PDE4B: variants seen among roughly 807,000 people sequenced by gnomAD.
PDE4B encodes phosphodiesterase 4B, also known as 3',5'-cyclic-AMP phosphodiesterase 4B.
Under a neutral mutation model 82.2 loss-of-function variants are expected in PDE4B, and 20 were observed. The observed-to-expected ratio is 0.24, with a 90% CI of 0.17 to 0.35. The LOEUF (loss-of-function observed/expected upper bound fraction) is 0.35. Among genes scored for constraint, PDE4B ranks in the 10% least tolerant of loss-of-function variants. PDE4B has a pLI of 1.00. For missense variants in PDE4B, 655 were observed against 907.2 expected, an observed-to-expected ratio of 0.72 and a Z score of 3.57; for synonymous variants, 320 against 318.9, an observed-to-expected ratio of 1.00 and a Z score of -0.04.
At chr1:65,891,295 A>G (rs1030525018) in intron 1 of PDE4B, among the ~76,000 whole-genome samples, 2 of 152,106 alleles carry the variant, frequency 1.3e-5, no homozygotes, top group African/African-American at 4.8e-5. Context: ...TTGTCTAATG[A>G]CAGGCATCTG....
intron 16 of PDE4B, among the ~76,000 whole-genome samples, chr1:66,369,218 GTTGTCTCTGATGT>G (rs1458560233): frequency 6.6e-6 from 1 of 152,176 alleles, no homozygotes; most frequent in East Asian, 1.9e-4. Context: ...CATTTAGATA[GTTGTCTCTGATGT>G]TAGCAAATCC....
At chr1:66,141,841 G>A (rs188882785) in intron 3 of PDE4B, among the ~76,000 whole-genome samples, 42 of 152,214 alleles carry the variant, frequency 2.8e-4, no homozygotes, top group Non-Finnish European at 4.4e-5. Context: ...GAGGTATCAT[G>A]AAAACAGCAA....
chr1:65,866,927 GTGTT>G (rs1190555715), intron 1 of PDE4B, among the ~76,000 whole-genome samples: 3 of 152,182 alleles, frequency 2.0e-5, no homozygotes, highest in Non-Finnish European at 2.9e-5. Flanking sequence ...ATATAACTGA[GTGTT>G]TGCTTTATTA....
chr1:65,800,737 A>G (rs1446599535), intron 1 of PDE4B, among the ~76,000 whole-genome samples: 1 of 152,238 alleles, frequency 6.6e-6, no homozygotes, highest in African/African-American at 2.4e-5. Context: ...ATTTGAAAGT[A>G]GTATAATATC....
At chr1:66,127,873 G>A (rs1023490170) in intron 3 of PDE4B, among the ~76,000 whole-genome samples, 2 of 152,116 alleles carry the variant, frequency 1.3e-5, no homozygotes, top group East Asian at 3.9e-4. Context: ...GTCTTTCTCA[G>A]TTTCTTCTTT....
At chr1:66,108,477 A>G (rs1346488871) in intron 3 of PDE4B, among the ~76,000 whole-genome samples, 1 of 152,130 alleles carries the variant, frequency 6.6e-6, no homozygotes, top group Non-Finnish European at 1.5e-5. Context: ...GCTTCTGCAC[A>G]GCAAAGGAAA....
intron 3 of PDE4B, among the ~76,000 whole-genome samples, chr1:66,079,730 A>G (rs1022649819): frequency 6.6e-5 from 10 of 152,170 alleles, no homozygotes; most frequent in African/African-American, 2.4e-4. Context: ...AATATTTTGT[A>G]TAATGCAACA....
At chr1:66,038,555 GA>G (rs35465487) in intron 3 of PDE4B, among the ~76,000 whole-genome samples, 12,468 of 151,914 alleles carry the variant, frequency 0.082, 961 homozygotes, top group East Asian at 0.26. Context: ...ACATATGGAG[GA>G]AAAAAAGATA....
chr1:66,140,376 T>A (rs1460200248), intron 3 of PDE4B, among the ~76,000 whole-genome samples: 1 of 152,146 alleles, frequency 6.6e-6, no homozygotes, highest in Non-Finnish European at 1.5e-5. Context: ...TCAACGCAAC[T>A]TTTACAACTA....
intron 3 of PDE4B, among the ~76,000 whole-genome samples, chr1:66,231,298 A>G (rs1407569658): frequency 6.6e-6 from 1 of 152,250 alleles, no homozygotes; most frequent in East Asian, 1.9e-4. Flanking sequence ...ACAGTAATCC[A>G]TCTGTGAGTC....
Position 66,297,204 on chromosome 1 carries a change from G to A in PDE4B, c.634+31117G>A, listed in dbSNP as rs544400546. 4.6e-5 allele frequency among the ~76,000 whole-genome samples: 7 copies of A among 152,048 alleles called. No individual in the cohort carries two copies. In the South Asian group the frequency reaches 6.3e-4, roughly 14 times the overall value. ...TTGGAACTGTTTCACTTGCTTCCTCGACAGATATCTTGTGTAAGGTCCATA... is the reference window on the plus strand; with the variant it reads ...TTGGAACTGTTTCACTTGCTTCCTCAACAGATATCTTGTGTAAGGTCCATA... On this transcript the variant is annotated intron_variant, in intron 7 of 16. Transcript: ENST00000341517.
At chr1:66,018,499 T>C (rs745537166) in intron 3 of PDE4B, among the ~76,000 whole-genome samples, 2 of 152,146 alleles carry the variant, frequency 1.3e-5, no homozygotes, top group Non-Finnish European at 2.9e-5. Context: ...CTTGAATAAA[T>C]TTTAAGATTA....
At chr1:66,283,926 T>C (rs1233133621) in intron 7 of PDE4B, among the ~76,000 whole-genome samples, 1 of 152,268 alleles carries the variant, frequency 6.6e-6, no homozygotes, top group Non-Finnish European at 1.5e-5. Context: ...CACTTTCTCA[T>C]TGACTCATTC....
chr1:66,266,145 CTT>C, intron 7 of PDE4B, 58 bp downstream of exon 7: 2 of 1,272,734 alleles, frequency 1.6e-6, no homozygotes, highest in Non-Finnish European at 2.3e-6. Context: ...AAACATGCCT[CTT>C]ATTCAGAACT....
intron 3 of PDE4B, among the ~76,000 whole-genome samples, chr1:66,081,822 CTCTCTCTCTCTGTGTGTG>C (rs1487953717): frequency 2.3e-5 from 3 of 128,166 alleles, no homozygotes; most frequent in East Asian, 4.3e-4. Flanking sequence ...CTCTCTCTCT[CTCTCTCTCTCTGTGTGTG>C]TGTGTGTGTG....
chr1:66,344,982 T>C (rs1305925476), intron 8 of PDE4B, among the ~76,000 whole-genome samples: 2 of 152,214 alleles, frequency 1.3e-5, no homozygotes, highest in Non-Finnish European at 2.9e-5. Flanking sequence ...TTCTTATTTT[T>C]GTGTTGTTAG....
intron 3 of PDE4B, among the ~76,000 whole-genome samples, chr1:65,919,771 C>T (rs377131141): frequency 4.6e-5 from 7 of 152,064 alleles, no homozygotes; most frequent in African/African-American, 1.7e-4. Flanking sequence ...ATGCTGAGCT[C>T]TCCAGGGCTG....
intron 3 of PDE4B, among the ~76,000 whole-genome samples, chr1:66,123,460 G>A (rs1358680198): frequency 6.6e-6 from 1 of 152,078 alleles, no homozygotes; most frequent in Non-Finnish European, 1.5e-5. Flanking sequence ...ATAGGTGGGA[G>A]TGGAGAATGC....
chr1:66,128,756 C>G (rs752709404), intron 3 of PDE4B, among the ~76,000 whole-genome samples: 4 of 152,118 alleles, frequency 2.6e-5, no homozygotes, highest in Non-Finnish European at 5.9e-5. Context: ...AGGGAGGTCT[C>G]ACAATCATGG....
Sources: allele counts gnomAD v4.1 joint callset (sites outside exome capture counted in the v4.1 genomes callset), GRCh38; gene constraint gnomAD v4.1.1; transcripts MANE v1.5; gene names NCBI Gene and HGNC (gene_info 2026-07-23, HGNC 2026-07-21).